EIF2B1: variants seen among roughly 807,000 people sequenced by gnomAD.
EIF2B1 encodes the protein translation initiation factor eIF2B subunit alpha.
A neutral mutation model predicts 36.8 loss-of-function variants in EIF2B1; 30 were observed. The ratio of observed to expected loss-of-function variants is 0.81; its 90% CI spans 0.61 to 1.10. The LOEUF (loss-of-function observed/expected upper bound fraction) is 1.10. EIF2B1 is among the 50% of genes least tolerant of loss of function. The pLI is 0.00. For missense variants in EIF2B1, 271 were observed against 374.8 expected (o/e 0.72, Z 2.29); for synonymous variants, 139 against 142.2 (o/e 0.98, Z 0.16).
Position 123,621,608 on chromosome 12 carries a change from G to A in EIF2B1, c.*148C>T, listed in dbSNP as rs1056671086. 2 of 965,770 alleles carry A rather than the reference G, an allele frequency of 2.1e-6. No homozygotes were observed. The highest frequency in any genetic ancestry group is 3.2e-6 in the Non-Finnish European group (2 of 626,230). The allele number at this position is 965,770 out of a possible 1,614,324, so 59.8% of individuals were successfully genotyped here. On this transcript the variant is annotated 3_prime_UTR_variant, in exon 9 of 9. Transcript: ENST00000424014. The stretch of plus-strand genomic sequence containing the variant: ...GATGGGACTGAAATGAGTAAGAAAG[G>A]TTCTCCAAGATGTATGATTTTAAGT...
intron 1 of EIF2B1, 89 bp downstream of exon 1, chr12:123,633,456 C>T (rs1955218577): frequency 1.9e-6 from 3 of 1,580,070 alleles, no homozygotes; most frequent in Admixed American, 3.3e-5. Context: ...AAAGAAATCT[C>T]TTCGGGAGCT....
chr12:123,622,834 G>A, intron 7 of EIF2B1, 73 bp from the exon 8 acceptor site: 2 of 1,602,028 alleles, frequency 1.2e-6, no homozygotes, highest in East Asian at 2.2e-5. Flanking sequence ...AAGCGGGCCG[G>A]GCACAGTGGT....
At chr12:123,632,287 A>AAG in intron 2 of EIF2B1, 58 bp downstream of exon 2, 5 of 1,166,378 alleles carry the variant, frequency 4.3e-6, no homozygotes, top group Admixed American at 2.1e-5. Flanking sequence ...AAAAAAAAAG[A>AAG]AAAGAAAAAA....
In EIF2B1 at chr12:123,630,508, C is replaced by T. The variant is rs779910329; in HGVS notation, c.141G>A (p.Ala47=). Residue 47 remains alanine (A), a synonymous_variant, in exon 3 of 9, where the codon GCG becomes GCA. Transcript: ENST00000424014. The surrounding 1 kb of genome is among the most constrained non-coding windows in gnomAD (Gnocchi z 4.6). ...DKGETIQGLR[A]NLTSAIETLC... ...GGGTTTCTATGGCACTGGTGAGATT[C>T]GCCCTCAGACCCTGGATTGTCTCCC... is the stretch of plus-strand genomic sequence containing the variant. 3.7e-6 allele frequency: 6 copies of T among 1,613,156 alleles called. No homozygotes were observed. The highest frequency in any genetic ancestry group is 2.7e-5 in the African/African-American group (2 of 74,898).
chr12:123,627,900 C>T (rs370763276), intron 4 of EIF2B1, among the ~76,000 whole-genome samples: 4 of 152,106 alleles, frequency 2.6e-5, no homozygotes, highest in South Asian at 4.2e-4. Context: ...CCCCAGCTGG[C>T]GTCATGTGGC....
chr12:123,627,223 C>T (rs1044972101), intron 4 of EIF2B1, 67 bp from the exon 5 acceptor site: 31 of 1,243,528 alleles, frequency 2.5e-5, no homozygotes, highest in Non-Finnish European at 3.3e-5. Context: ...CTCTGCACTG[C>T]GGCACGTGTT....
In EIF2B1 at chr12:123,621,740, G is replaced by C; in HGVS notation, c.*16C>G. On this transcript the variant is annotated 3_prime_UTR_variant, in exon 9 of 9. Coordinates refer to ENST00000424014, the MANE Select transcript of EIF2B1 (RefSeq NM_001414.4). ...CAACTACGTAAGCTGCACCTTGGCA[G>C]GAAAGGGCTCACAGGTTACAGATAG... 1 of 1,613,144 alleles carries C rather than the reference G, an allele frequency of 6.2e-7. No homozygotes were observed. Among genetic ancestry groups the C allele is most frequent in the South Asian group, 1.1e-5 (1 of 91,014 alleles).
Position 123,624,870 on chromosome 12 carries a change from G to A in EIF2B1, c.552-8C>T. The A allele has an allele frequency of 6.2e-7, 1 of 1,613,344 alleles. No individual in the cohort carries two copies. ...GCTTTCTCCATGATGTAGCTAAGGG[G>A]AAAAAAAGCTTTTCATGCTTTATTT... On this transcript the variant is annotated splice_region_variant and splice_polypyrimidine_tract_variant and intron_variant, in intron 6 of 8. Transcript: ENST00000424014.
chr12:123,629,086 A>G (rs1955169598), intron 4 of EIF2B1, among the ~76,000 whole-genome samples: 1 of 152,206 alleles, frequency 6.6e-6, no homozygotes, highest in African/African-American at 2.4e-5. Flanking sequence ...ACTCACATCT[A>G]TTATGCCATT....
chr12:123,624,451 G>C (rs1042253748), intron 7 of EIF2B1, among the ~76,000 whole-genome samples: 1 of 151,652 alleles, frequency 6.6e-6, no homozygotes, highest in Admixed American at 6.6e-5. Context: ...GTAGAGACAG[G>C]GTTTCACTAT....
chr12:123,626,981 G>T, intron 5 of EIF2B1, 63 bp downstream of exon 5: 1 of 1,461,794 alleles, frequency 6.8e-7, no homozygotes, highest in Non-Finnish European at 9.6e-7. Context: ...CTGTTGGACT[G>T]TAATCCGCAG....
In EIF2B1 at chr12:123,630,269, T is replaced by C. The variant is rs758142806; in HGVS notation, c.269A>G (p.Lys90Arg). Reference protein sequence around the residue: ...SLEYSDYSKCKKIMIERGELF... With the variant: ...SLEYSDYSKCRKIMIERGELF... ...TTCTCCCCGCTCAATCATGATCTTT[T>C]TACATTTGGAGTAATCCTAGGAAGA... Residue 90 changes from lysine (K) to arginine (R), a missense_variant, in exon 4 of 9, where the codon AAA becomes AGA. Transcript: ENST00000424014. This position sits in a 1 kb window ranked among gnomAD's most constrained non-coding sequence, Gnocchi z 4.6. 3.7e-6 allele frequency: 6 copies of C among 1,614,214 alleles called. No individual in the cohort carries two copies. In the Admixed American group the frequency reaches 8.3e-5, roughly 22 times the overall value.
rs780116205 is a variant in EIF2B1, at chr12:123,622,694, CTT to C, written c.693_694del (p.Ser232PhefsTer17). The C allele has an allele frequency of 3.7e-6, 6 of 1,614,228 alleles. No individual in the cohort carries two copies. Among genetic ancestry groups the C allele is most frequent in the Non-Finnish European group, 5.1e-6 (6 of 1,180,018 alleles). On this transcript the variant is annotated frameshift_variant, in exon 8 of 9. Transcript: ENST00000424014. LOFTEE classifies it high-confidence loss of function. ...TGGAAAGAGCCGGACAAACTTGAAA[CTT>C]TCTGCAACCACATAGAAAGGTTTGT... is the stretch of plus-strand genomic sequence containing the variant.
Position 123,630,386 on chromosome 12 carries a change from C to T in EIF2B1, c.252+11G>A. ...AGTGGAAAGGTAACCCCAGGGAGAA[C>T]AGGCACTTACGGAGTATTCCAGGGA... On this transcript the variant is annotated intron_variant, in intron 3 of 8. Transcript: ENST00000424014. The surrounding 1 kb of genome is among the most constrained non-coding windows in gnomAD (Gnocchi z 4.6). The T allele has an allele frequency of 1.9e-6, 3 of 1,614,166 alleles. No individual in the cohort carries two copies. Among genetic ancestry groups the T allele is most frequent in the Non-Finnish European group, 2.5e-6 (3 of 1,180,028 alleles).
chr12:123,621,454 A>G lies in EIF2B1; in HGVS notation c.*302T>C, dbSNP rs1277655246. On this transcript the variant is annotated 3_prime_UTR_variant, in exon 9 of 9. Transcript: ENST00000424014. Reference sequence around the variant, plus strand: ...TGCAGGGGAGGATGAAGACAGGTGGACTTGGGCTCATCTTTCATCAGTTAA... The same window carrying G: ...TGCAGGGGAGGATGAAGACAGGTGGGCTTGGGCTCATCTTTCATCAGTTAA... The G allele has an allele frequency of 2.5e-6, 1 of 401,724 alleles. No homozygotes were observed. The highest frequency in any genetic ancestry group is 5.9e-5 in the East Asian group (1 of 17,018). The allele number at this position is 401,724 out of a possible 1,614,324, so 24.9% of individuals were successfully genotyped here. A position where few individuals can be genotyped will look rare whatever the true frequency, so the allele number is the denominator to read the frequency against.
At position 123,626,450 on chromosome 12, in the gene EIF2B1, T is replaced by A. The variant is rs1298573779; in HGVS notation, c.526A>T (p.Thr176Ser). ...KALCHLNVPV[T>S]VVLDAAVGYI... The stretch of plus-strand genomic sequence containing the variant: ...CCGACAGCAGCATCTAGCACCACAG[T>A]GACAGGGACGTTGAGGTGGCAGAGG... The change falls in exon 6 of 9, where the codon ACT (threonine) becomes TCT (serine). Residue 176 changes from threonine (T) to serine (S), a missense_variant. Thr to Ser is a moderately conservative substitution (Grantham distance 58). Transcript: ENST00000424014. 1 of 1,614,088 alleles carries A rather than the reference T, an allele frequency of 6.2e-7. No homozygotes were observed. The highest frequency in any genetic ancestry group is 1.3e-5 in the African/African-American group (1 of 75,044).
chr12:123,630,460 C>T lies in EIF2B1; in HGVS notation c.189G>A (p.Val63=). 1 of 1,614,062 alleles carries T rather than the reference C, an allele frequency of 6.2e-7. No individual in the cohort carries two copies. The highest frequency in any genetic ancestry group is 1.7e-4 in the Middle Eastern group (1 of 6,060). The change falls in exon 3 of 9, where the codon GTG becomes GTA. Residue 63 remains valine (V), a synonymous_variant. Transcript: ENST00000424014. This position sits in a 1 kb window ranked among gnomAD's most constrained non-coding sequence, Gnocchi z 4.6. ...AGAGCTCCCCGCCAGAGGACACTGC[C>T]ACAGAGGAGTCCACACCACACAGGG... ...IETLCGVDSS[V]AVSSGGELFL... is the part of the protein sequence containing the mutation.
Position 123,628,338 on chromosome 12 carries a change from A to T in EIF2B1, c.370-1182T>A, listed in dbSNP as rs1245662409. Among the ~76,000 whole-genome samples, 3 of 144,948 alleles carry T rather than the reference A, an allele frequency of 2.1e-5. No individual in the cohort carries two copies. The East Asian group carries it at 6.3e-4, about 30-fold the overall frequency. ...GATTATACACATAAGCCACCACAGT[A>T]GGCCCATAACCTCTTTTTTTTTTTT... On this transcript the variant is annotated intron_variant, in intron 4 of 8. Coordinates refer to ENST00000424014, the MANE Select transcript of EIF2B1 (RefSeq NM_001414.4).
intron 5 of EIF2B1, 77 bp downstream of exon 5, chr12:123,626,967 G>T: frequency 7.5e-7 from 1 of 1,331,086 alleles, no homozygotes; most frequent in Non-Finnish European, 1.1e-6. Flanking sequence ...TTCTGGTTCT[G>T]ATCCTGTTGG....
Sources: gnomAD v4.1 joint callset for allele counts (sites outside exome capture counted in the v4.1 genomes callset) on GRCh38, gnomAD v4.1.1 for gene constraint, Gnocchi (gnomAD v3.1) non-coding constraint, MANE v1.5 for transcripts, NCBI Gene and HGNC (gene_info 2026-07-23, HGNC 2026-07-21) for gene names.